The following RALGPS1 variants were observed in gnomAD, a reference collection of about 807,000 sequenced individuals.
RALGPS1 encodes the protein Ral GEF with PH domain and SH3 binding motif 1.
RALGPS1 carries 19 observed loss-of-function variants against 78.8 expected under a neutral mutation model. That is an observed-to-expected ratio of 0.24 (90% confidence interval 0.17 to 0.35). The LOEUF (loss-of-function observed/expected upper bound fraction) is 0.35, where lower values mean the gene tolerates loss of function less well. Among genes scored for constraint, RALGPS1 ranks in the 10% least tolerant of loss-of-function variants. The pLI is 1.00. For synonymous variants in RALGPS1, 228 were observed against 256.3 expected, an observed-to-expected ratio of 0.89 and a Z score of 1.06; for missense variants, 454 against 688.3, an observed-to-expected ratio of 0.66 and a Z score of 3.81.
chr9:126,980,135 C>T (rs879418641), intron 4 of RALGPS1, among the ~76,000 whole-genome samples: 23 of 152,276 alleles, frequency 1.5e-4, no homozygotes, highest in Non-Finnish European at 2.9e-4. Flanking sequence ...TGGGAGCTGC[C>T]CCAGCTTTTT....
chr9:127,149,398 A>C (rs1325851667), intron 8 of RALGPS1, among the ~76,000 whole-genome samples: 1 of 152,262 alleles, frequency 6.6e-6, no homozygotes, highest in African/African-American at 2.4e-5. Context: ...GTTTGGCGCT[A>C]GAGGGCTGAG....
intron 8 of RALGPS1, among the ~76,000 whole-genome samples, chr9:127,138,841 G>A (rs2057577198): frequency 6.6e-6 from 1 of 152,172 alleles, no homozygotes; most frequent in Admixed American, 6.5e-5. Flanking sequence ...TCAGCTCATG[G>A]TAGCCATTCT....
chr9:127,042,593 C>G (rs1346011847), intron 5 of RALGPS1, among the ~76,000 whole-genome samples: 1 of 152,160 alleles, frequency 6.6e-6, no homozygotes, highest in African/African-American at 2.4e-5. Context: ...AATACTTTCC[C>G]CCTAAGACTG....
intron 3 of RALGPS1, among the ~76,000 whole-genome samples, chr9:126,971,416 G>A (rs750734042): frequency 2.0e-5 from 3 of 151,834 alleles, no homozygotes; most frequent in Non-Finnish European, 2.9e-5. Context: ...AATTATTTGG[G>A]CATTTAGGCA....
chr9:126,921,827 A>G (rs1331210231), intron 1 of RALGPS1, among the ~76,000 whole-genome samples: 3 of 152,224 alleles, frequency 2.0e-5, no homozygotes, highest in Admixed American at 6.5e-5. Context: ...GGGCTTGCAC[A>G]TTGTGAGCAC....
intron 11 of RALGPS1, among the ~76,000 whole-genome samples, chr9:127,179,027 T>TC (rs2060053538): frequency 6.6e-6 from 1 of 152,328 alleles, no homozygotes; most frequent in South Asian, 2.1e-4. Flanking sequence ...TCAAGCTCCT[T>TC]ACAGGGTCCT....
chr9:127,057,370 G>A (rs2048831513), intron 7 of RALGPS1, among the ~76,000 whole-genome samples: 1 of 152,204 alleles, frequency 6.6e-6, no homozygotes. Flanking sequence ...TACAGGTGTG[G>A]GAGGATACCT....
intron 1 of RALGPS1, among the ~76,000 whole-genome samples, chr9:126,942,616 C>G (rs966437562): frequency 6.6e-6 from 1 of 152,178 alleles, no homozygotes; most frequent in Non-Finnish European, 1.5e-5. Context: ...CTGTGGCTTC[C>G]TGGCAGGATA....
At chr9:127,144,643 T>C (rs183985702) in intron 8 of RALGPS1, among the ~76,000 whole-genome samples, 122 of 152,340 alleles carry the variant, frequency 8.0e-4, no homozygotes, top group African/African-American at 2.8e-3. Context: ...AAGTAGTATA[T>C]GCATACAGTG....
At chr9:127,069,083 A>T in intron 7 of RALGPS1, 147 bp from the exon 8 acceptor site, 1 of 788,256 alleles carries the variant, frequency 1.3e-6, no homozygotes. Flanking sequence ...TGCACGAAAC[A>T]GCCTTTTAAA....
chr9:127,048,864 T>C (rs935566371), intron 5 of RALGPS1, among the ~76,000 whole-genome samples: 8 of 152,240 alleles, frequency 5.3e-5, no homozygotes, highest in African/African-American at 1.9e-4. Flanking sequence ...AACCCAGTCA[T>C]GTCCTGGAGG....
intron 8 of RALGPS1, among the ~76,000 whole-genome samples, chr9:127,083,896 G>A (rs978971690): frequency 1.3e-5 from 2 of 152,006 alleles, no homozygotes; most frequent in African/African-American, 4.8e-5. Context: ...GAAGACAGAT[G>A]GTCAGCTTGT....
intron 6 of RALGPS1, among the ~76,000 whole-genome samples, chr9:127,052,195 A>G (rs575546966): frequency 3.9e-5 from 6 of 152,236 alleles, no homozygotes; most frequent in South Asian, 2.1e-4. Context: ...ACTCCCAAGA[A>G]AGAGAAATGG....
chr9:127,111,758 A>T (rs1290437008), intron 8 of RALGPS1, among the ~76,000 whole-genome samples: 2 of 152,202 alleles, frequency 1.3e-5, no homozygotes, highest in Non-Finnish European at 2.9e-5. Flanking sequence ...GGAAACTGAG[A>T]CTCAGTGAGG....
chr9:127,218,744 C>T lies in RALGPS1; in HGVS notation c.1649C>T (p.Pro550Leu). The change falls in exon 19 of 19, where the codon CCT becomes CTT. Residue 550 changes from proline to leucine, a missense_variant. Coordinates refer to ENST00000259351, the MANE Select transcript of RALGPS1 (RefSeq NM_014636.3). The surrounding 1 kb of genome is among the most constrained non-coding windows in gnomAD (Gnocchi z 4.4). ...DACKSNRPQV[P>L]ANLMSFE ...AGGCTGAGCTTTCTCTTCTAGGTAC[C>T]TGCAAACCTTATGTCATTTGAGTAA... is the stretch of plus-strand genomic sequence containing the variant. The T allele has an allele frequency of 6.2e-7, 1 of 1,614,070 alleles. No individual in the cohort carries two copies. Among genetic ancestry groups the T allele is most frequent in the Non-Finnish European group, 8.5e-7 (1 of 1,179,902 alleles).
chr9:127,216,766 G>C lies in RALGPS1; in HGVS notation c.1644+1924G>C, dbSNP rs74828101. On this transcript the variant is annotated intron_variant, in intron 18 of 18. Transcript: ENST00000259351. ...CCAAGACCTGAACAAGGCTGCCGCCGCCCCAGCTTGCATTAAGAGAGGAAG... is the reference window on the plus strand; with the variant it reads ...CCAAGACCTGAACAAGGCTGCCGCCCCCCCAGCTTGCATTAAGAGAGGAAG... 6.6e-3 allele frequency: 4,789 copies of C among 729,588 alleles called. 175 individuals are homozygous for C. The African/African-American group carries it at 0.079, about 12-fold the overall frequency. The allele number at this position is 729,588 out of a possible 1,614,324, so 45.2% of individuals were successfully genotyped here.
chr9:127,058,775 G>A (rs965524666), intron 7 of RALGPS1, among the ~76,000 whole-genome samples: 51 of 152,154 alleles, frequency 3.4e-4, no homozygotes, highest in African/African-American at 1.2e-3. Context: ...GTGTGCGCAT[G>A]TACATAAACA....
At chr9:126,942,524 C>T (rs1003907497) in intron 1 of RALGPS1, among the ~76,000 whole-genome samples, 8 of 152,168 alleles carry the variant, frequency 5.3e-5, no homozygotes, top group Non-Finnish European at 1.2e-4. Flanking sequence ...TATGCTACTC[C>T]TCACATATAC....
At chr9:127,139,678 C>A (rs1052728791) in intron 8 of RALGPS1, among the ~76,000 whole-genome samples, 3 of 152,210 alleles carry the variant, frequency 2.0e-5, no homozygotes, top group Non-Finnish European at 4.4e-5. Context: ...CCAGTCACCA[C>A]CAGTCAGGCG....
Sources: gnomAD v4.1 joint callset for allele counts (sites outside exome capture counted in the v4.1 genomes callset) on GRCh38, gnomAD v4.1.1 for gene constraint, Gnocchi (gnomAD v3.1) non-coding constraint, MANE v1.5 for transcripts, NCBI Gene and HGNC (gene_info 2026-07-23, HGNC 2026-07-21) for gene names.